Variants in CAMK1D observed in about 807,000 individuals in gnomAD.
The protein encoded by CAMK1D is calcium/calmodulin-dependent protein kinase type 1D.
Under a neutral mutation model 47.7 loss-of-function variants are expected in CAMK1D, and 9 were observed. That is an observed-to-expected ratio of 0.19 (90% CI 0.11 to 0.33). The LOEUF (loss-of-function observed/expected upper bound fraction) is 0.33, where lower values mean the gene tolerates loss of function less well. Among genes scored for constraint, CAMK1D ranks in the 10% least tolerant of loss-of-function variants. The probability of loss-of-function intolerance (pLI) is 1.00; values close to 1 mark genes in which losing one functional copy is unlikely to be tolerated. For synonymous variants in CAMK1D, 184 were observed against 184.9 expected (o/e 0.99, Z 0.04); for missense variants, 291 against 488.7 (o/e 0.60, Z 3.81).
At chr10:12,665,089 T>C (rs545735069) in intron 2 of CAMK1D, among the ~76,000 whole-genome samples, 1 of 152,216 alleles carries the variant, frequency 6.6e-6, no homozygotes, top group Non-Finnish European at 1.5e-5. Context: ...TAGTTTATTT[T>C]CATATGCTGT....
chr10:12,446,986 A>G (rs1832943002), intron 1 of CAMK1D, among the ~76,000 whole-genome samples: 2 of 152,178 alleles, frequency 1.3e-5, no homozygotes, highest in Admixed American at 6.5e-5. Context: ...AGCTTCCCCA[A>G]TTCATCCTAA....
chr10:12,468,575 A>G (rs1417366935), intron 1 of CAMK1D, among the ~76,000 whole-genome samples: 1 of 152,166 alleles, frequency 6.6e-6, no homozygotes, highest in Non-Finnish European at 1.5e-5. Flanking sequence ...GTGGCATGGC[A>G]TGGACAGTAG....
chr10:12,592,520 T>G (rs2132365507), intron 2 of CAMK1D, among the ~76,000 whole-genome samples: 1 of 152,308 alleles, frequency 6.6e-6, no homozygotes, highest in East Asian at 1.9e-4. Flanking sequence ...GACAGGGATT[T>G]AGGCATCCCC....
At chr10:12,539,212 C>T (rs780422726) in intron 1 of CAMK1D, among the ~76,000 whole-genome samples, 4 of 152,150 alleles carry the variant, frequency 2.6e-5, no homozygotes, top group Non-Finnish European at 4.4e-5. Context: ...CACAGCCAAA[C>T]GTCCCTTTAA....
At chr10:12,376,626 C>T (rs1211781083) in intron 1 of CAMK1D, among the ~76,000 whole-genome samples, 2 of 152,172 alleles carry the variant, frequency 1.3e-5, no homozygotes, top group Non-Finnish European at 2.9e-5. Flanking sequence ...TGCCTGGAGC[C>T]TGGAACTGGA....
chr10:12,761,757 G>A (rs907650193), intron 4 of CAMK1D, among the ~76,000 whole-genome samples: 8 of 152,130 alleles, frequency 5.3e-5, no homozygotes, highest in Non-Finnish European at 1.0e-4. Flanking sequence ...GTGGTGGCGC[G>A]TGCCTGTAGT....
intron 1 of CAMK1D, among the ~76,000 whole-genome samples, chr10:12,422,052 G>A (rs374094443): frequency 6.6e-6 from 1 of 152,026 alleles, no homozygotes; most frequent in Non-Finnish European, 1.5e-5. Context: ...CAGGTGATCC[G>A]CCCGCCTTGG....
At position 12,769,795 on chromosome 10, in the gene CAMK1D, T is replaced by C. The variant is rs1259887041; in HGVS notation, c.561T>C (p.Tyr187=). The change falls in exon 5 of 11, where the codon TAT becomes TAC. Residue 187 remains tyrosine (Y), a synonymous_variant. Coordinates refer to ENST00000619168, the MANE Select transcript of CAMK1D (RefSeq NM_153498.4). ...VMSTACGTPG[Y]VAPEVLAQKP... ...CCACTGCCTGTGGAACTCCAGGCTA[T>C]GTCGGTAAGGACAGTGCATGTGCAC... is the stretch of plus-strand genomic sequence containing the variant. 1 of 1,614,146 alleles carries C rather than the reference T, an allele frequency of 6.2e-7. No individual in the cohort carries two copies. The highest frequency in any genetic ancestry group is 1.3e-5 in the African/African-American group (1 of 75,068).
At chr10:12,683,760 G>A (rs1832543193) in intron 3 of CAMK1D, among the ~76,000 whole-genome samples, 1 of 151,058 alleles carries the variant, frequency 6.6e-6, no homozygotes, top group Non-Finnish European at 1.5e-5. Context: ...GTGTGTGTGT[G>A]TGTGTGTGTG....
Position 12,769,673 on chromosome 10 carries a change from C to T in CAMK1D, c.439C>T (p.Pro147Ser). Residue 147 changes from proline to serine, a missense_variant and splice_region_variant, in exon 5 of 11, where the codon CCC becomes TCC. Physicochemically the swap from Pro to Ser is moderately conservative, Grantham distance 74 (BLOSUM62 -1). Around this residue, in one of 2 missense-constraint regions of CAMK1D, gnomAD observed 219 missense variants for 424.3 expected, o/e 0.52. Coordinates refer to ENST00000619168, the MANE Select transcript of CAMK1D (RefSeq NM_153498.4). ...TGTTTTTTTCTTATTTTCTTTCTAG[C>T]CCGAAAATCTCTTGTACTACAGTCA... ...RMGIVHRDLK[P>S]ENLLYYSQDE... 1.2e-6 allele frequency: 2 copies of T among 1,613,762 alleles called. No individual in the cohort carries two copies. The highest frequency in any genetic ancestry group is 1.7e-6 in the Non-Finnish European group (2 of 1,179,824).
At chr10:12,455,198 G>A (rs1196301868) in intron 1 of CAMK1D, among the ~76,000 whole-genome samples, 1 of 152,174 alleles carries the variant, frequency 6.6e-6, no homozygotes, top group East Asian at 1.9e-4. Flanking sequence ...AGGATAGAGG[G>A]TCTTGCTCTG....
At chr10:12,402,762 G>T (rs1049539788) in intron 1 of CAMK1D, among the ~76,000 whole-genome samples, 1 of 152,026 alleles carries the variant, frequency 6.6e-6, no homozygotes, top group Non-Finnish European at 1.5e-5. Flanking sequence ...ACTTCATTGG[G>T]ATCATTTTGG....
At chr10:12,712,802 A>C (rs1348775375) in intron 3 of CAMK1D, among the ~76,000 whole-genome samples, 1 of 152,064 alleles carries the variant, frequency 6.6e-6, no homozygotes, top group Non-Finnish European at 1.5e-5. Context: ...TCAGGCTCAG[A>C]GAATTAGACT....
At chr10:12,712,429 G>A (rs534848520) in intron 3 of CAMK1D, among the ~76,000 whole-genome samples, 13 of 152,316 alleles carry the variant, frequency 8.5e-5, no homozygotes, top group African/African-American at 1.9e-4. Flanking sequence ...ACAACAGAAC[G>A]CTGTAGACTG....
intron 1 of CAMK1D, among the ~76,000 whole-genome samples, chr10:12,367,270 A>G (rs1308654472): frequency 6.6e-6 from 1 of 152,122 alleles, no homozygotes; most frequent in Non-Finnish European, 1.5e-5. Context: ...CAGATGCCCT[A>G]AACCTTGAAG....
intron 3 of CAMK1D, among the ~76,000 whole-genome samples, chr10:12,710,310 C>T (rs925432884): frequency 3.3e-5 from 5 of 152,178 alleles, no homozygotes; most frequent in African/African-American, 1.2e-4. Context: ...CACACTACTG[C>T]CACCAGAGTA....
rs922845951 is a variant in CAMK1D at position 12,466,356 on chromosome 10, C to T, written c.93-86869C>T. On this transcript the variant is annotated intron_variant, in intron 1 of 10. Coordinates refer to ENST00000619168, the MANE Select transcript of CAMK1D (RefSeq NM_153498.4). ...CTGGGAGGCATAGCTTGCAGTGAGC[C>T]GAGATCGCACCACTGCACTCCAGCC... Among the ~76,000 whole-genome samples, 9 of 152,098 alleles carry T rather than the reference C, an allele frequency of 5.9e-5. No homozygotes were observed. The South Asian group carries it at 6.2e-4, about 11-fold the overall frequency.
In CAMK1D at chr10:12,611,633, C is replaced by A. The variant is rs183412944; in HGVS notation, c.225-55103C>A. ...TTGAGACAGAGTCTTACTCTGTCTC[C>A]CAGGCTGGAGTGCAGTGGCGCAATC... On this transcript the variant is annotated intron_variant, in intron 2 of 10. Coordinates refer to ENST00000619168, the MANE Select transcript of CAMK1D (RefSeq NM_153498.4). Among the ~76,000 whole-genome samples the A allele has an allele frequency of 1.2e-3, 124 of 105,640 alleles. 1 individual carries two copies. The highest frequency in any genetic ancestry group is 2.1e-4 in the Non-Finnish European group (11 of 52,430). The allele number at this position is 105,640 out of a possible 152,430, so 69.3% of individuals were successfully genotyped here.
intron 3 of CAMK1D, among the ~76,000 whole-genome samples, chr10:12,756,852 C>T (rs1836251635): frequency 6.6e-6 from 1 of 152,202 alleles, no homozygotes; most frequent in Non-Finnish European, 1.5e-5. Context: ...GGCGTGAACC[C>T]AGGGAGCTTG....
Sources: allele counts gnomAD v4.1 joint callset (sites outside exome capture counted in the v4.1 genomes callset), GRCh38; gene constraint gnomAD v4.1.1; regional missense constraint gnomAD v4.1.1; transcripts MANE v1.5; gene names NCBI Gene and HGNC (gene_info 2026-07-23, HGNC 2026-07-21).